The following AUH variants were observed in gnomAD, a reference collection of about 807,000 sequenced individuals.
AUH encodes AU RNA binding methylglutaconyl-CoA hydratase.
Under a neutral mutation model 42.3 loss-of-function variants are expected in AUH, and 29 were observed. The ratio of observed to expected loss-of-function variants is 0.69; its 90% CI spans 0.51 to 0.93. The LOEUF (loss-of-function observed/expected upper bound fraction) is 0.93, where lower values mean the gene tolerates loss of function less well. AUH is among the 40% of genes least tolerant of loss of function. AUH has a pLI of 0.00. For missense variants in AUH, 452 were observed against 438.1 expected, an observed-to-expected ratio of 1.03 and a Z score of -0.28; for synonymous variants, 174 against 166.4, an observed-to-expected ratio of 1.05 and a Z score of -0.35.
intron 7 of AUH, among the ~76,000 whole-genome samples, 177 bp downstream of exon 7, chr9:91,220,628 T>C (rs977719016): frequency 6.6e-6 from 1 of 152,216 alleles, no homozygotes; most frequent in Non-Finnish European, 1.5e-5. Context: ...TCATCAGAAT[T>C]CCACAGGATC....
intron 3 of AUH, among the ~76,000 whole-genome samples, chr9:91,327,187 C>G (rs917927550): frequency 6.6e-6 from 1 of 152,174 alleles, no homozygotes; most frequent in African/African-American, 2.4e-5. Context: ...TCCGCCCTGC[C>G]TCCTGTTACC....
intron 4 of AUH, among the ~76,000 whole-genome samples, chr9:91,308,758 G>A (rs1482883623): frequency 1.3e-5 from 2 of 150,510 alleles, no homozygotes; most frequent in Non-Finnish European, 3.0e-5. Flanking sequence ...AAAAAATTCT[G>A]CAAACTTTGA....
intron 6 of AUH, among the ~76,000 whole-genome samples, chr9:91,238,570 A>G (rs545319896): frequency 3.3e-5 from 5 of 152,392 alleles, no homozygotes; most frequent in Admixed American, 3.3e-4. Context: ...AACTGTTTTC[A>G]TCATGCAACA....
chr9:91,320,639 G>C (rs1247964260), intron 4 of AUH, among the ~76,000 whole-genome samples: 1 of 152,146 alleles, frequency 6.6e-6, no homozygotes, highest in Non-Finnish European at 1.5e-5. Flanking sequence ...ATCGTTCACT[G>C]GTCTATTAAA....
Position 91,356,133 on chromosome 9 carries a change from G to GGAA in AUH, c.284_285insTTC (p.Asn95_Arg96insSer). On this transcript the variant is annotated inframe_insertion, in exon 2 of 10. Coordinates refer to ENST00000375731, the MANE Select transcript of AUH (RefSeq NM_001698.3). ...TGAGTGAATTTTTGCCATAAGCTCT[G>GGAA]TTTATTCCAAGCACCACAATTCCTA... is the stretch of plus-strand genomic sequence containing the variant. The GGAA allele has an allele frequency of 1.2e-6, 2 of 1,613,602 alleles. No individual in the cohort carries two copies. The highest frequency in any genetic ancestry group is 3.3e-4 in the Middle Eastern group (2 of 6,052).
chr9:91,323,758 T>C (rs760347242), intron 4 of AUH, among the ~76,000 whole-genome samples: 5 of 151,374 alleles, frequency 3.3e-5, no homozygotes, highest in South Asian at 2.1e-4. Flanking sequence ...AAAAAAGATA[T>C]AAGACCAAGA....
At chr9:91,249,189 T>TG (rs1336302857) in intron 6 of AUH, among the ~76,000 whole-genome samples, 1 of 146,382 alleles carries the variant, frequency 6.8e-6, no homozygotes, top group Non-Finnish European at 1.5e-5. Context: ...CCCAGCTACT[T>TG]GGGGGGCTAA....
chr9:91,358,128 T>C (rs934432726), intron 1 of AUH, among the ~76,000 whole-genome samples: 2 of 152,192 alleles, frequency 1.3e-5, no homozygotes, highest in Non-Finnish European at 2.9e-5. Context: ...AAATTTTAAA[T>C]GAGTTAATGA....
Position 91,259,317 on chromosome 9 carries a change from C to T in AUH, c.655+36704G>A, listed in dbSNP as rs187995315. ...TATTCTCTTTCTACTGTTTAAATGT[C>T]GTAGGATTTGTAGTGGTGAATGATC... On this transcript the variant is annotated intron_variant, in intron 6 of 9. Transcript: ENST00000375731. Among the ~76,000 whole-genome samples, 161 of 152,208 alleles carry T rather than the reference C, an allele frequency of 1.1e-3. 1 individual carries two copies. Among genetic ancestry groups the T allele is most frequent in the African/African-American group, 3.3e-3 (136 of 41,540 alleles).
At chr9:91,278,103 T>A (rs78951507) in intron 6 of AUH, among the ~76,000 whole-genome samples, 3,005 of 152,050 alleles carry the variant, frequency 0.02, 84 homozygotes, top group African/African-American at 0.06. Context: ...GAAGAAATTG[T>A]AGGAAAAGAA....
At chr9:91,258,251 G>C (rs1223146862) in intron 6 of AUH, among the ~76,000 whole-genome samples, 1 of 152,042 alleles carries the variant, frequency 6.6e-6, no homozygotes, top group Non-Finnish European at 1.5e-5. Flanking sequence ...TTTTGAGATG[G>C]AGTTTCACTC....
intron 3 of AUH, among the ~76,000 whole-genome samples, chr9:91,342,233 T>C (rs560896646): frequency 2.6e-5 from 4 of 152,338 alleles, no homozygotes; most frequent in East Asian, 3.9e-4. Flanking sequence ...CCTTGGCTCA[T>C]GGCCCCTTCC....
At chr9:91,229,200 T>C (rs1344941904) in intron 6 of AUH, among the ~76,000 whole-genome samples, 1 of 145,202 alleles carries the variant, frequency 6.9e-6, no homozygotes, top group East Asian at 2.0e-4. Context: ...AGTCTCTTTG[T>C]AGGTCACTCA....
intron 6 of AUH, among the ~76,000 whole-genome samples, chr9:91,268,829 T>C (rs1824872368): frequency 6.6e-6 from 1 of 152,204 alleles, no homozygotes; most frequent in South Asian, 2.1e-4. Context: ...TCCATACATA[T>C]TCAATTGTGA....
intron 6 of AUH, among the ~76,000 whole-genome samples, chr9:91,226,154 T>G (rs1412327925): frequency 2.7e-5 from 4 of 150,712 alleles, no homozygotes; most frequent in Admixed American, 2.6e-4. Context: ...TGAACTAGTT[T>G]ACAGTCCCAC....
intron 3 of AUH, among the ~76,000 whole-genome samples, chr9:91,334,101 G>A (rs140487316): frequency 5.3e-5 from 8 of 152,262 alleles, no homozygotes; most frequent in Non-Finnish European, 1.0e-4. Flanking sequence ...CCAGCCAGGG[G>A]ATCTCTGTTT....
intron 6 of AUH, among the ~76,000 whole-genome samples, chr9:91,241,850 G>A (rs1287253641): frequency 6.6e-6 from 1 of 152,038 alleles, no homozygotes; most frequent in Non-Finnish European, 1.5e-5. Context: ...TAGCCCAACT[G>A]GACACTGAAT....
chr9:91,231,942 A>G (rs1489895306), intron 6 of AUH, among the ~76,000 whole-genome samples: 1 of 152,234 alleles, frequency 6.6e-6, no homozygotes, highest in Non-Finnish European at 1.5e-5. Context: ...TTCCACTAAA[A>G]AACAAAGATC....
intron 4 of AUH, among the ~76,000 whole-genome samples, chr9:91,323,000 T>G (rs945693573): frequency 6.6e-6 from 1 of 152,188 alleles, no homozygotes; most frequent in Non-Finnish European, 1.5e-5. Context: ...TATTCTTGAT[T>G]AAAAACAGAA....
Sources: gnomAD v4.1 joint callset for allele counts (sites outside exome capture counted in the v4.1 genomes callset) on GRCh38, gnomAD v4.1.1 for gene constraint, MANE v1.5 for transcripts, NCBI Gene and HGNC (gene_info 2026-07-23, HGNC 2026-07-21) for gene names.